Variants in FGF13 observed in about 807,000 individuals in gnomAD.
FGF13 encodes fibroblast growth factor 13.
FGF13 carries 2 observed loss-of-function variants against 19.5 expected under a neutral mutation model. The observed-to-expected ratio is 0.10, with a 90% CI of 0.04 to 0.32. The LOEUF (loss-of-function observed/expected upper bound fraction) is 0.32. Ranked by LOEUF, FGF13 falls within the 10% of genes least tolerant of loss-of-function variation. The probability of loss-of-function intolerance (pLI) is 1.00; values close to 1 mark genes in which losing one functional copy is unlikely to be tolerated. For synonymous variants in FGF13, 72 were observed against 76.9 expected (o/e 0.94, Z 0.33); for missense variants, 113 against 192.7 (o/e 0.59, Z 2.45).
intron 1 of FGF13, among the ~76,000 whole-genome samples, chrX:138,989,520 T>C (rs2092006501): frequency 8.9e-6 from 1 of 111,892 alleles, no homozygotes; most frequent in African/African-American, 3.2e-5. Flanking sequence ...TTGTCATAGA[T>C]ATCTAGAGTA....
rs928876426 is a variant in FGF13 at position 139,141,533 on chromosome X, TTC to T, written c.-113+61881_-113+61882del. Among the ~76,000 whole-genome samples, 3 of 111,666 alleles carry T rather than the reference TTC, an allele frequency of 2.7e-5. No individual in the cohort carries two copies. The Admixed American group carries it at 2.9e-4, about 11-fold the overall frequency. ...TCTGTCTGCTCCAGCCCTGCTGAAT[TTC>T]TCTGTTTCTCTATCATGGTATTGTT... is the stretch of plus-strand genomic sequence containing the variant. On this transcript the variant is annotated intron_variant, in intron 1 of 2. Coordinates refer to the FGF13 transcript ENST00000421460.
At chrX:139,107,407 A>G (rs1027051930) in intron 1 of FGF13, among the ~76,000 whole-genome samples, 1 of 112,335 alleles carries the variant, frequency 8.9e-6, no homozygotes, top group South Asian at 3.7e-4. Context: ...GAAAGTAATC[A>G]GAAAGCCTTA....
chrX:139,168,702 G>A (rs769400948), intron 1 of FGF13, among the ~76,000 whole-genome samples: 1 of 112,066 alleles, frequency 8.9e-6, no homozygotes, highest in African/African-American at 3.2e-5. Context: ...AGCTTTAACT[G>A]CATCAGTAAT....
At chrX:138,728,969 C>T (rs2090206919) in intron 1 of FGF13, among the ~76,000 whole-genome samples, 1 of 111,083 alleles carries the variant, frequency 9.0e-6, no homozygotes. Flanking sequence ...CACTAAAGCT[C>T]AGATCTAGAT....
intron 1 of FGF13, among the ~76,000 whole-genome samples, chrX:138,983,296 C>T (rs895837223): frequency 6.9e-4 from 74 of 107,462 alleles, no homozygotes; most frequent in Non-Finnish European, 1.3e-3. Flanking sequence ...TGGTGGGAGA[C>T]GGGGTCTAAT....
intron 1 of FGF13, among the ~76,000 whole-genome samples, chrX:139,145,507 T>G (rs1267575114): frequency 9.0e-6 from 1 of 110,922 alleles, no homozygotes; most frequent in African/African-American, 3.3e-5. Context: ...CTGTTCATCA[T>G]GACGTCAACC....
At chrX:139,116,056 T>C (rs1330743139) in intron 1 of FGF13, among the ~76,000 whole-genome samples, 1 of 112,294 alleles carries the variant, frequency 8.9e-6, no homozygotes, top group African/African-American at 3.2e-5. Flanking sequence ...ACAAATTTTA[T>C]TGAGCACCTA....
chrX:139,094,790 C>T (rs978019056), intron 1 of FGF13, among the ~76,000 whole-genome samples: 1 of 111,990 alleles, frequency 8.9e-6, no homozygotes, highest in African/African-American at 3.2e-5. Flanking sequence ...GGCTTGACTC[C>T]CACTCTGCTA....
intron 1 of FGF13, among the ~76,000 whole-genome samples, chrX:139,091,939 T>C (rs2083442277): frequency 9.1e-6 from 1 of 110,168 alleles, no homozygotes; most frequent in Admixed American, 9.7e-5. Context: ...ACGAAGCTGA[T>C]AGAACTAAGC....
At chrX:139,114,005 T>C (rs898162842) in intron 1 of FGF13, among the ~76,000 whole-genome samples, 7 of 112,086 alleles carry the variant, frequency 6.2e-5, no homozygotes, top group Non-Finnish European at 9.4e-5. Flanking sequence ...CTTTACAGCC[T>C]TCGATGGCAA....
downstream of FGF13, among the ~76,000 whole-genome samples, chrX:138,855,962 C>CTGTGTGTGTGTGTGTGTGTG (rs35763167): frequency 4.9e-5 from 5 of 101,314 alleles, no homozygotes; most frequent in African/African-American, 1.8e-4. Context: ...AGTACAAAAA[C>CTGTGTGTGTGTGTGTGTGTG]TGTGTGTGTG....
At chrX:138,906,406 C>A (rs1322097968) in intron 1 of FGF13, among the ~76,000 whole-genome samples, 2 of 112,153 alleles carry the variant, frequency 1.8e-5, no homozygotes, top group African/African-American at 6.5e-5. Context: ...ATTCATTCAA[C>A]ATATATTTCC....
chrX:138,682,467 T>C (rs1037838457), intron 3 of FGF13, among the ~76,000 whole-genome samples: 26 of 112,428 alleles, frequency 2.3e-4, no homozygotes, highest in African/African-American at 8.4e-4. Context: ...TGTGTGTGTG[T>C]GCGTGCGTGT....
chrX:138,805,819 T>C (rs2090862406), intron 3 of FGF13, among the ~76,000 whole-genome samples: 1 of 111,685 alleles, frequency 9.0e-6, no homozygotes, highest in African/African-American at 3.2e-5. Context: ...CTTGCTTAAA[T>C]GAAACTTTAT....
rs191703355 is a variant in FGF13, at chrX:138,644,933, T to C, written c.403-9278A>G. Among the ~76,000 whole-genome samples, 560 of 111,786 alleles carry C rather than the reference T, an allele frequency of 5.0e-3. 5 individuals are homozygous for C. Among genetic ancestry groups the C allele is most frequent in the African/African-American group, 0.017 (532 of 30,754 alleles). On this transcript the variant is annotated intron_variant, in intron 3 of 4. Coordinates refer to ENST00000315930, the MANE Select transcript of FGF13 (RefSeq NM_004114.5). ...GCAAATGACTGCTGAGGATAACAAG[T>C]GCTAAAGAGAGGAACCTTTTTTATG...
chrX:139,115,523 G>C (rs376766855), intron 1 of FGF13, among the ~76,000 whole-genome samples: 51 of 111,584 alleles, frequency 4.6e-4, no homozygotes, highest in East Asian at 4.0e-3. Flanking sequence ...TTAAGGATGA[G>C]AGCCCCATTC....
chrX:138,895,943 T>C (rs777747845), intron 1 of FGF13, among the ~76,000 whole-genome samples: 6 of 111,951 alleles, frequency 5.4e-5, no homozygotes, highest in Non-Finnish European at 9.4e-5. Context: ...ATGTGAAATT[T>C]TAAAATGTTG....
chrX:138,843,959 T>A (rs990252786), intron 3 of FGF13, among the ~76,000 whole-genome samples: 1 of 111,749 alleles, frequency 8.9e-6, no homozygotes, highest in Non-Finnish European at 1.9e-5. Context: ...AGATAAAAAC[T>A]TAGCCTAATT....
At chrX:139,122,547 T>A (rs1295784405) in intron 1 of FGF13, among the ~76,000 whole-genome samples, 1 of 111,874 alleles carries the variant, frequency 8.9e-6, no homozygotes, top group East Asian at 2.8e-4. Flanking sequence ...ACACGTGAAA[T>A]CTTTTCTATA....
Sources: allele counts gnomAD v4.1 joint callset (sites outside exome capture counted in the v4.1 genomes callset), GRCh38; gene constraint gnomAD v4.1.1; transcripts MANE v1.5; gene names NCBI Gene and HGNC (gene_info 2026-07-23, HGNC 2026-07-21).